Variants in HTR2C observed in about 807,000 individuals in gnomAD.
HTR2C encodes 5-hydroxytryptamine receptor 2C, also known as 5-hydroxytryptamine (serotonin) receptor 2C, G protein-coupled.
Under a neutral mutation model 21.0 loss-of-function variants are expected in HTR2C, and 5 were observed. The ratio of observed to expected loss-of-function variants is 0.24; its 90% CI spans 0.12 to 0.50. The LOEUF (loss-of-function observed/expected upper bound fraction) is 0.50. HTR2C is among the 20% of genes least tolerant of loss of function. The probability of loss-of-function intolerance (pLI) is 0.98; values close to 1 mark genes in which losing one functional copy is unlikely to be tolerated. For missense variants in HTR2C, 271 were observed against 371.2 expected, an observed-to-expected ratio of 0.73 and a Z score of 2.22; for synonymous variants, 150 against 145.3, an observed-to-expected ratio of 1.03 and a Z score of -0.23.
chrX:114,669,091 A>G (rs1556411269), intron 2 of HTR2C, among the ~76,000 whole-genome samples: 2 of 110,196 alleles, frequency 1.8e-5, no homozygotes, highest in Non-Finnish European at 3.8e-5. Context: ...CACTTGTGTC[A>G]GTTTTTTTTT....
At chrX:114,693,893 A>G (rs145573262) in intron 2 of HTR2C, among the ~76,000 whole-genome samples, 1,460 of 111,867 alleles carry the variant, frequency 0.013, 19 homozygotes, top group Non-Finnish European at 0.017. Flanking sequence ...GAGAGAAAAC[A>G]TAATGGAAGC....
chrX:114,605,267 G>A (rs1313550578), intron 1 of HTR2C, among the ~76,000 whole-genome samples: 1 of 112,221 alleles, frequency 8.9e-6, no homozygotes, highest in Non-Finnish European at 1.9e-5. Context: ...GCCGGACCAG[G>A]TGTGAGGAGG....
At chrX:114,604,029 G>T (rs192901239) in intron 1 of HTR2C, among the ~76,000 whole-genome samples, 3 of 107,384 alleles carry the variant, frequency 2.8e-5, no homozygotes, top group East Asian at 3.0e-4. Context: ...TTTAAGGCGT[G>T]CTGCGGGATG....
In HTR2C at chrX:114,731,276, T is replaced by C. The variant is rs781906480; in HGVS notation, c.36-18T>C. 5 of 1,136,548 alleles carry C rather than the reference T, an allele frequency of 4.4e-6. No individual in the cohort carries two copies. Among genetic ancestry groups the C allele is most frequent in the Non-Finnish European group, 5.9e-6 (5 of 844,830 alleles). 93.7% of individuals were successfully genotyped at this position (1,136,548 alleles called of 1,213,427 possible). On this transcript the variant is annotated intron_variant, in intron 3 of 5. Coordinates refer to ENST00000276198, the MANE Select transcript of HTR2C (RefSeq NM_000868.4). ...ATATAATATGTACCTGATTGTTTTT[T>C]TTTTTCTTAATTTTCAGTGTGCACC...
chrX:114,693,152 A>C (rs1334739508), intron 2 of HTR2C, among the ~76,000 whole-genome samples: 1 of 111,919 alleles, frequency 8.9e-6, no homozygotes, highest in African/African-American at 3.2e-5. Context: ...GTCAAACAAA[A>C]ACAGCATGTT....
At chrX:114,678,144 T>A (rs1556413030) in intron 2 of HTR2C, among the ~76,000 whole-genome samples, 1 of 111,134 alleles carries the variant, frequency 9.0e-6, no homozygotes, top group African/African-American at 3.3e-5. Context: ...CCTGTGTGAA[T>A]AAAGTATGGG....
intron 4 of HTR2C, among the ~76,000 whole-genome samples, chrX:114,745,365 C>G (rs2069692406): frequency 2.7e-5 from 3 of 112,155 alleles, no homozygotes; most frequent in East Asian, 5.6e-4. Context: ...TAAATTAGTA[C>G]AACTCCATTA....
At chrX:114,751,530 A>G (rs180980592) in intron 4 of HTR2C, among the ~76,000 whole-genome samples, 1 of 111,999 alleles carries the variant, frequency 8.9e-6, no homozygotes, top group East Asian at 2.8e-4. Flanking sequence ...TAAAACTCAA[A>G]TTGTTCCCTA....
intron 1 of HTR2C, among the ~76,000 whole-genome samples, chrX:114,587,796 T>C (rs1556390048): frequency 8.9e-6 from 1 of 111,914 alleles, no homozygotes; most frequent in Non-Finnish European, 1.9e-5. Context: ...CTGAGAACAT[T>C]GCTGCAAGAC....
chrX:114,738,551 A>G (rs2069613055), intron 4 of HTR2C, among the ~76,000 whole-genome samples: 1 of 108,820 alleles, frequency 9.2e-6, no homozygotes, highest in Admixed American at 9.8e-5. Context: ...AAAACCAAAC[A>G]CCACATGTTC....
In HTR2C at chrX:114,663,552, AT is replaced by A. The variant is rs782530866; in HGVS notation, c.-80+49676del. ...ACCAAATACACACTTGATAAAAATTATTTTTATCTCCCTATAAAGGTTTTTG... is the reference window on the plus strand; with the variant it reads ...ACCAAATACACACTTGATAAAAATTATTTTATCTCCCTATAAAGGTTTTTG... On this transcript the variant is annotated intron_variant, in intron 2 of 5. Coordinates refer to ENST00000276198, the MANE Select transcript of HTR2C (RefSeq NM_000868.4). 2.7e-5 allele frequency among the ~76,000 whole-genome samples: 3 copies of A among 111,212 alleles called. No homozygotes were observed. In the East Asian group the frequency reaches 8.5e-4, roughly 31 times the overall value.
At chrX:114,596,230 A>G (rs1219270272) in intron 1 of HTR2C, among the ~76,000 whole-genome samples, 1 of 112,411 alleles carries the variant, frequency 8.9e-6, no homozygotes, top group Non-Finnish European at 1.9e-5. Flanking sequence ...TGCTTTAAAT[A>G]CAAGTATTAG....
intron 4 of HTR2C, among the ~76,000 whole-genome samples, chrX:114,814,977 A>G (rs1179321872): frequency 9.7e-6 from 1 of 103,478 alleles, no homozygotes; most frequent in Non-Finnish European, 1.9e-5. Context: ...TACATATAAT[A>G]CATTATATAT....
At chrX:114,783,153 TAAC>T (rs1235082555) in intron 4 of HTR2C, among the ~76,000 whole-genome samples, 1 of 111,218 alleles carries the variant, frequency 9.0e-6, no homozygotes, top group Non-Finnish European at 1.9e-5. Flanking sequence ...TGGGTTAAAA[TAAC>T]AAAATAAAAT....
intron 2 of HTR2C, among the ~76,000 whole-genome samples, chrX:114,614,757 C>T (rs1479119226): frequency 5.4e-5 from 6 of 111,493 alleles, no homozygotes; most frequent in Admixed American, 1.9e-4. Flanking sequence ...TGCTGAAAAA[C>T]GCAGATCCAG....
intron 4 of HTR2C, among the ~76,000 whole-genome samples, chrX:114,739,571 A>C (rs782487575): frequency 9.0e-6 from 1 of 111,414 alleles, no homozygotes; most frequent in Non-Finnish European, 1.9e-5. Context: ...AAAATTAAAA[A>C]CACCCCTAAA....
intron 2 of HTR2C, among the ~76,000 whole-genome samples, chrX:114,622,516 G>A (rs782086126): frequency 9.0e-6 from 1 of 111,684 alleles, no homozygotes; most frequent in Non-Finnish European, 1.9e-5. Context: ...TTTCCCCACA[G>A]GATGCTGTCC....
chrX:114,616,205 T>TA (rs1185561144), intron 2 of HTR2C, among the ~76,000 whole-genome samples: 1 of 110,702 alleles, frequency 9.0e-6, no homozygotes, highest in African/African-American at 3.3e-5. Flanking sequence ...TGTATACATC[T>TA]ACAGCCTGAT....
chrX:114,775,135 T>C, intron 4 of HTR2C: 2 of 523,484 alleles, frequency 3.8e-6, no homozygotes, highest in South Asian at 2.3e-5. Context: ...GTGGAATGCA[T>C]AGGACTCAAG....
Sources: allele counts gnomAD v4.1 joint callset (sites outside exome capture counted in the v4.1 genomes callset), GRCh38; gene constraint gnomAD v4.1.1; transcripts MANE v1.5; gene names NCBI Gene and HGNC (gene_info 2026-07-23, HGNC 2026-07-21).